The following FRMPD1 variants were observed in gnomAD, a reference collection of about 807,000 sequenced individuals.
FRMPD1 encodes the protein FERM and PDZ domain containing 1.
Under a neutral mutation model 117.8 loss-of-function variants are expected in FRMPD1, and 76 were observed. That is an observed-to-expected ratio of 0.65 (90% confidence interval 0.54 to 0.78). The LOEUF (loss-of-function observed/expected upper bound fraction) is 0.78, where lower values mean the gene tolerates loss of function less well. Among genes scored for constraint, FRMPD1 ranks in the 30% least tolerant of loss-of-function variants. The pLI is 0.00. For synonymous variants in FRMPD1, 783 were observed against 770.4 expected, an observed-to-expected ratio of 1.02 and a Z score of -0.27; for missense variants, 1,786 against 1,964.5, an observed-to-expected ratio of 0.91 and a Z score of 1.72.
chr9:37,738,888 C>T (rs1044887949), intron 14 of FRMPD1, among the ~76,000 whole-genome samples: 1 of 152,048 alleles, frequency 6.6e-6, no homozygotes, highest in African/African-American at 2.4e-5. Context: ...GAGGAATGAC[C>T]CGAGGAAAAG....
At position 37,676,656 on chromosome 9, in the gene FRMPD1, A is replaced by G. The variant is rs551624773; in HGVS notation, c.-4-15982A>G. 1.5e-3 allele frequency among the ~76,000 whole-genome samples: 223 copies of G among 152,292 alleles called. 1 individual carries two copies. The highest frequency in any genetic ancestry group is 3.1e-3 in the African/African-American group (129 of 41,558). Reference sequence around the variant, plus strand: ...TGCTTAATTAGGGCTTAATTAAGACAGCCAGAGTGGCCCGTTGGCCTGAAC... The same window carrying G: ...TGCTTAATTAGGGCTTAATTAAGACGGCCAGAGTGGCCCGTTGGCCTGAAC... On this transcript the variant is annotated intron_variant, in intron 1 of 15. Coordinates refer to ENST00000377765, the MANE Select transcript of FRMPD1 (RefSeq NM_014907.3).
At chr9:37,624,055 C>T in the FRMPD1 span, among the ~76,000 whole-genome samples, 4 of 152,088 alleles carry the variant, frequency 2.6e-5, no homozygotes, top group Non-Finnish European at 5.9e-5. Flanking sequence ...GCACTACTTG[C>T]AGAGTTGTGG....
chr9:37,670,769 A>G (rs182133639), intron 1 of FRMPD1, among the ~76,000 whole-genome samples: 5 of 152,376 alleles, frequency 3.3e-5, no homozygotes, highest in African/African-American at 9.6e-5. Context: ...AGACTGAAGT[A>G]TGTGAGAGGG....
chr9:37,711,257 A>AC (rs1822899291), intron 4 of FRMPD1, 93 bp from the exon 5 acceptor site: 2 of 841,346 alleles, frequency 2.4e-6, no homozygotes, highest in Non-Finnish European at 4.1e-6. Context: ...AGTCTTTTTG[A>AC]CCCTAACACA....
chr9:37,626,622 G>GAAAA, the FRMPD1 span, among the ~76,000 whole-genome samples: 27 of 48,604 alleles, frequency 5.6e-4, 4 homozygotes, highest in African/African-American at 1.3e-3. Flanking sequence ...CCTGGTATCT[G>GAAAA]AAAAAAAAAA....
Position 37,713,216 on chromosome 9 carries a change from C to T in FRMPD1, c.408+1821C>T, listed in dbSNP as rs541025350. ...TGGCCTTGATAGGCAGGTTTAAAAA[C>T]GAACAAAGCTACAATTATTAAAACA... On this transcript the variant is annotated intron_variant, in intron 5 of 15. Coordinates refer to ENST00000377765, the MANE Select transcript of FRMPD1 (RefSeq NM_014907.3). Among the ~76,000 whole-genome samples the T allele has an allele frequency of 7.9e-5, 12 of 152,172 alleles. No homozygotes were observed. In the South Asian group the frequency reaches 2.3e-3, roughly 29 times the overall value.
At chr9:37,655,344 G>C (rs934161399) in intron 1 of FRMPD1, among the ~76,000 whole-genome samples, 1 of 152,072 alleles carries the variant, frequency 6.6e-6, no homozygotes, top group Non-Finnish European at 1.5e-5. Flanking sequence ...GTACTGTAAA[G>C]TGTGGCTCTG....
At chr9:37,605,259 T>C in the FRMPD1 span, among the ~76,000 whole-genome samples, 1 of 152,180 alleles carries the variant, frequency 6.6e-6, no homozygotes, top group South Asian at 2.1e-4. Flanking sequence ...CTGGAGTCTG[T>C]GGGAGGCTCT....
At chr9:37,718,408 T>A (rs1281936803) in intron 5 of FRMPD1, among the ~76,000 whole-genome samples, 1 of 152,244 alleles carries the variant, frequency 6.6e-6, no homozygotes, top group Non-Finnish European at 1.5e-5. Flanking sequence ...AGCCTGTTGG[T>A]CTAGAAGATC....
chr9:37,619,736 C>T, the FRMPD1 span, among the ~76,000 whole-genome samples: 1 of 147,530 alleles, frequency 6.8e-6, no homozygotes, highest in Non-Finnish European at 1.5e-5. Context: ...CCAGCCTGGG[C>T]GACACAGCGA....
Position 37,740,163 on chromosome 9 carries a change from GA to G in FRMPD1, c.1638del (p.Lys546AsnfsTer9). The G allele has an allele frequency of 6.2e-7, 1 of 1,613,868 alleles. No homozygotes were observed. Among genetic ancestry groups the G allele is most frequent in the Non-Finnish European group, 8.5e-7 (1 of 1,179,796 alleles). On this transcript the variant is annotated frameshift_variant, in exon 15 of 16. Transcript: ENST00000377765. LOFTEE classifies it high-confidence loss of function. The surrounding 1 kb of genome is among the most constrained non-coding windows in gnomAD (Gnocchi z 4.2). ...AACCTCTCTCTGACAGGCGCCTGGTGAAACTGGCACCCTGCAGATCACTCAT... is the reference window on the plus strand; with the variant it reads ...AACCTCTCTCTGACAGGCGCCTGGTGAACTGGCACCCTGCAGATCACTCAT... ...LEPLSDRRLV[K>X]LAPCRSLIKE...
intron 4 of FRMPD1, among the ~76,000 whole-genome samples, chr9:37,709,698 T>C (rs1822840613): frequency 6.6e-6 from 1 of 152,032 alleles, no homozygotes; most frequent in African/African-American, 2.4e-5. Flanking sequence ...TAATGCTGGG[T>C]AAAATTTGGT....
chr9:37,694,881 A>G (rs1457376030), intron 2 of FRMPD1, among the ~76,000 whole-genome samples: 1 of 152,058 alleles, frequency 6.6e-6, no homozygotes, highest in Non-Finnish European at 1.5e-5. Context: ...ATGACATGTC[A>G]TAGTGTGGAT....
At chr9:37,625,552 G>C in the FRMPD1 span, among the ~76,000 whole-genome samples, 1 of 152,176 alleles carries the variant, frequency 6.6e-6, no homozygotes, top group Non-Finnish European at 1.5e-5. Context: ...AAGGACTCTG[G>C]GACCCTGGAC....
chr9:37,729,890 G>A, intron 8 of FRMPD1, 37 bp downstream of exon 8: 1 of 1,602,196 alleles, frequency 6.2e-7, no homozygotes, highest in African/African-American at 1.3e-5. Context: ...GGGAGGCATG[G>A]GCTGGGCTGG....
chr9:37,701,488 T>TGC (rs146699048), intron 2 of FRMPD1, among the ~76,000 whole-genome samples: 2 of 108,882 alleles, frequency 1.8e-5, no homozygotes, highest in Non-Finnish European at 4.6e-5. Context: ...TGTGTGTGTG[T>TGC]GCGCGCGTGT....
chr9:37,620,568 C>T, the FRMPD1 span, among the ~76,000 whole-genome samples: 1 of 151,806 alleles, frequency 6.6e-6, no homozygotes. Flanking sequence ...GCATAGTAGA[C>T]AGCTGTTATA....
intron 2 of FRMPD1, 33 bp downstream of exon 2, chr9:37,692,775 TA>T (rs1274552204): frequency 6.8e-7 from 1 of 1,477,402 alleles, no homozygotes. Flanking sequence ...TTTCTGTCTA[TA>T]AAGGTCTGGT....
the FRMPD1 span, among the ~76,000 whole-genome samples, chr9:37,627,246 A>C: frequency 1.3e-5 from 2 of 152,162 alleles, no homozygotes. Flanking sequence ...TTTGTTCAAG[A>C]ACCATGTTAA....
Sources: gnomAD v4.1 joint callset for allele counts (sites outside exome capture counted in the v4.1 genomes callset) on GRCh38, gnomAD v4.1.1 for gene constraint, Gnocchi (gnomAD v3.1) non-coding constraint, MANE v1.5 for transcripts, NCBI Gene and HGNC (gene_info 2026-07-23, HGNC 2026-07-21) for gene names.